The following ACADSB variants were observed in gnomAD, a reference collection of about 807,000 sequenced individuals.
ACADSB encodes the protein acyl-CoA dehydrogenase short/branched chain.
In ACADSB, 40 loss-of-function variants were observed where a neutral mutation model predicts 54.1. The ratio of observed to expected loss-of-function variants is 0.74; its 90% confidence interval spans 0.57 to 0.96. The LOEUF (loss-of-function observed/expected upper bound fraction) is 0.96, where lower values mean the gene tolerates loss of function less well. Among genes scored for constraint, ACADSB ranks in the 40% least tolerant of loss-of-function variants. The pLI, the probability that ACADSB is intolerant of heterozygous loss-of-function variation, is 0.00. For synonymous variants in ACADSB, 182 were observed against 182.8 expected (o/e 1.00, Z 0.03); for missense variants, 530 against 510.4 (o/e 1.04, Z -0.37).
At chr10:123,009,171 T>G (rs991912307) in intron 1 of ACADSB, 100 bp downstream of exon 1, 1 of 1,299,498 alleles carries the variant, frequency 7.7e-7, no homozygotes, top group Non-Finnish European at 1.1e-6. Flanking sequence ...GGCGCCGGCC[T>G]GAGCCCCGCT....
At chr10:123,037,065 T>A (rs1478669969) in intron 2 of ACADSB, among the ~76,000 whole-genome samples, 1 of 152,200 alleles carries the variant, frequency 6.6e-6, no homozygotes, top group Non-Finnish European at 1.5e-5. Flanking sequence ...CCAGCGGACA[T>A]TTAGCAACAT....
intron 7 of ACADSB, among the ~76,000 whole-genome samples, 183 bp downstream of exon 7, chr10:123,044,668 A>G (rs1850527255): frequency 6.6e-6 from 1 of 152,220 alleles, no homozygotes; most frequent in African/African-American, 2.4e-5. Context: ...GTAAGTGTCC[A>G]TAGAACCAAA....
Position 123,056,315 on chromosome 10 carries a change from A to T in ACADSB, c.*2550A>T. 1 of 246,568 alleles carries T rather than the reference A, an allele frequency of 4.1e-6. No individual in the cohort carries two copies. The allele number at this position is 246,568 out of a possible 1,614,324, so 15.3% of individuals were successfully genotyped here. A position where few individuals can be genotyped will look rare whatever the true frequency, so the allele number is the denominator to read the frequency against. The stretch of plus-strand genomic sequence containing the variant: ...TGGCGGGAGGTGAAAAGCACTTCGT[A>T]CATGGTGGTGGCAAGAGAAAATGAA... On this transcript the variant is annotated 3_prime_UTR_variant, in exon 11 of 11. Coordinates refer to ENST00000358776, the MANE Select transcript of ACADSB (RefSeq NM_001609.4).
chr10:123,037,534 T>C (rs1313651513), intron 2 of ACADSB, among the ~76,000 whole-genome samples: 2 of 152,238 alleles, frequency 1.3e-5, no homozygotes, highest in East Asian at 3.8e-4. Context: ...TCTACACATA[T>C]CATTTATTTT....
At chr10:123,009,143 C>A (rs923807005) in intron 1 of ACADSB, 72 bp downstream of exon 1, 3 of 1,486,570 alleles carry the variant, frequency 2.0e-6, no homozygotes, top group African/African-American at 1.4e-5. Flanking sequence ...GCTGGCAGAG[C>A]CTTCTAACGG....
At chr10:123,026,216 T>G (rs1850249612) in intron 1 of ACADSB, among the ~76,000 whole-genome samples, 1 of 152,194 alleles carries the variant, frequency 6.6e-6, no homozygotes, top group Non-Finnish European at 1.5e-5. Flanking sequence ...CAAAGTATTA[T>G]GAAAATTTTA....
intron 1 of ACADSB, among the ~76,000 whole-genome samples, chr10:123,032,848 C>T (rs1850345715): frequency 6.6e-6 from 1 of 152,172 alleles, no homozygotes; most frequent in Admixed American, 6.5e-5. Context: ...CTGGGCCTCC[C>T]AAAGTGCTGG....
chr10:123,044,547 C>G, intron 7 of ACADSB, 62 bp downstream of exon 7: 1 of 1,258,014 alleles, frequency 7.9e-7, no homozygotes. Context: ...GAAAAAAATG[C>G]AATGAGACCA....
intron 10 of ACADSB, 45 bp from the exon 11 acceptor site, chr10:123,053,650 C>T: frequency 6.5e-7 from 1 of 1,527,562 alleles, no homozygotes; most frequent in Non-Finnish European, 9.1e-7. Flanking sequence ...TTGTCTTAAC[C>T]ATGCGCCAAC....
intron 1 of ACADSB, among the ~76,000 whole-genome samples, chr10:123,027,105 T>C (rs193180188): frequency 4.9e-4 from 75 of 152,214 alleles, no homozygotes; most frequent in Middle Eastern, 3.4e-3. Flanking sequence ...AAGTGAATGG[T>C]TTGGTTTTTG....
At position 123,051,188 on chromosome 10, in the gene ACADSB, TAAAAAAAAAAAAA is replaced by T. The variant is rs10571424; in HGVS notation, c.1128+14_1128+26del. On this transcript the variant is annotated splice_donor_5th_base_variant and intron_variant, in intron 9 of 10. Transcript: ENST00000358776. ...ATGGCCAAATACTATGCATCAGAGG[TAAAAAAAAAAAAA>T]AAAAAAAAAAAGGAAAAAGTAATTC... 1.3e-5 allele frequency: 13 copies of T among 1,015,732 alleles called. No homozygotes were observed. Among genetic ancestry groups the T allele is most frequent in the Admixed American group, 1.3e-4 (2 of 15,656 alleles). 62.9% of individuals were successfully genotyped at this position (1,015,732 alleles called of 1,614,324 possible). A position where few individuals can be genotyped will look rare whatever the true frequency, so the allele number is the denominator to read the frequency against.
intron 1 of ACADSB, among the ~76,000 whole-genome samples, chr10:123,032,852 G>C (rs920810863): frequency 6.6e-6 from 1 of 151,970 alleles, no homozygotes; most frequent in African/African-American, 2.4e-5. Flanking sequence ...GCCTCCCAAA[G>C]TGCTGGGATT....
intron 1 of ACADSB, among the ~76,000 whole-genome samples, chr10:123,022,675 G>C (rs999367359): frequency 6.6e-6 from 1 of 152,036 alleles, no homozygotes; most frequent in Admixed American, 6.6e-5. Context: ...TCAGAATTAT[G>C]TGTTAATTCG....
At position 123,048,716 on chromosome 10, in the gene ACADSB, ATTTATTTATTTATT is replaced by A. The variant is rs1363606889; in HGVS notation, c.990+1435_990+1448del. Among the ~76,000 whole-genome samples, 4 of 151,712 alleles carry A rather than the reference ATTTATTTATTTATT, an allele frequency of 2.6e-5. No homozygotes were observed. The East Asian group carries it at 7.7e-4, about 29-fold the overall frequency. On this transcript the variant is annotated intron_variant, in intron 8 of 10. Coordinates refer to ENST00000358776, the MANE Select transcript of ACADSB (RefSeq NM_001609.4). ...TTAGATTTTTAAAATTTATGTATTT[ATTTATTTATTTATT>A]TTTATTTATTTATTTTGAGACAGAG...
intron 2 of ACADSB, among the ~76,000 whole-genome samples, chr10:123,036,576 C>T (rs1850401933): frequency 2.0e-5 from 3 of 152,050 alleles, no homozygotes; most frequent in African/African-American, 7.2e-5. Context: ...AGCACAGAAG[C>T]AATAAAGATG....
At chr10:123,051,499 A>G (rs923732107) in intron 9 of ACADSB, among the ~76,000 whole-genome samples, 15 of 152,212 alleles carry the variant, frequency 9.9e-5, no homozygotes, top group Non-Finnish European at 1.0e-4. Context: ...CCCAGCTCAG[A>G]TAGACCACCC....
At position 123,041,356 on chromosome 10, in the gene ACADSB, A is replaced by G; in HGVS notation, c.658A>G (p.Met220Val). 1 of 1,614,184 alleles carries G rather than the reference A, an allele frequency of 6.2e-7. No homozygotes were observed. The highest frequency in any genetic ancestry group is 8.5e-7 in the Non-Finnish European group (1 of 1,180,024). The change falls in exon 5 of 11, where the codon ATG (methionine) becomes GTG (valine). Residue 220 changes from methionine (M) to valine (V), a missense_variant. Coordinates refer to ENST00000358776, the MANE Select transcript of ACADSB (RefSeq NM_001609.4). Reference protein sequence around the residue: ...SAEHAGLFLVMANVDPTIGYK... With the variant: ...SAEHAGLFLVVANVDPTIGYK... ...TGAGCACGCAGGGCTCTTTCTGGTG[A>G]TGGCAAATGTAGACCCTACCATTGT... is the stretch of plus-strand genomic sequence containing the variant.
rs971164421 is a variant in ACADSB at position 123,057,894 on chromosome 10, C to T, written c.*4129C>T. Reference sequence around the variant, plus strand: ...GTTCTTCCTAGTATTAAACATTGCCCCTTTCGACAAATTTTGGATTTCATT... The same window carrying T: ...GTTCTTCCTAGTATTAAACATTGCCTCTTTCGACAAATTTTGGATTTCATT... On this transcript the variant is annotated 3_prime_UTR_variant, in exon 11 of 11. Coordinates refer to ENST00000358776, the MANE Select transcript of ACADSB (RefSeq NM_001609.4). 6.6e-6 allele frequency: 1 copy of T among 152,134 alleles called. No individual in the cohort carries two copies. The highest frequency in any genetic ancestry group is 1.5e-5 in the Non-Finnish European group (1 of 68,018). The allele number at this position is 152,134 out of a possible 1,614,324, so 9.4% of individuals were successfully genotyped here.
intron 1 of ACADSB, among the ~76,000 whole-genome samples, chr10:123,034,121 T>C (rs1293571569): frequency 1.3e-5 from 2 of 152,236 alleles, no homozygotes; most frequent in African/African-American, 4.8e-5. Context: ...CCTTGATTGG[T>C]AAAAGTTAGT....
Sources: gnomAD v4.1 joint callset for allele counts (sites outside exome capture counted in the v4.1 genomes callset) on GRCh38, gnomAD v4.1.1 for gene constraint, MANE v1.5 for transcripts, NCBI Gene and HGNC (gene_info 2026-07-23, HGNC 2026-07-21) for gene names.